Variants in DPP6 observed in about 807,000 individuals in gnomAD.
DPP6 encodes the protein A-type potassium channel modulatory protein DPP6.
In DPP6, 69 loss-of-function variants were observed where a neutral mutation model predicts 122.6. That is an observed-to-expected ratio of 0.56 (90% CI 0.46 to 0.69). DPP6 has a LOEUF of 0.69. Ranked by LOEUF, DPP6 falls within the 30% of genes least tolerant of loss-of-function variation. DPP6 has a pLI of 0.00. For synonymous variants in DPP6, 418 were observed against 433.1 expected, an observed-to-expected ratio of 0.97 and a Z score of 0.43; for missense variants, 928 against 1,116.9, an observed-to-expected ratio of 0.83 and a Z score of 2.41.
the DPP6 span, among the ~76,000 whole-genome samples, chr7:153,808,798 T>A: frequency 6.6e-6 from 1 of 152,200 alleles, no homozygotes; most frequent in East Asian, 1.9e-4. Context: ...ATCAATGGAT[T>A]CTTAAGTTGC....
At chr7:154,436,516 A>G (rs1464119292) in intron 1 of DPP6, among the ~76,000 whole-genome samples, 2 of 152,048 alleles carry the variant, frequency 1.3e-5, no homozygotes, top group Non-Finnish European at 2.9e-5. Context: ...ACCGCGTGCA[A>G]GTGTAGGGAT....
chr7:154,384,800 A>G (rs951226561), intron 1 of DPP6, among the ~76,000 whole-genome samples: 38 of 149,924 alleles, frequency 2.5e-4, no homozygotes, highest in African/African-American at 8.7e-4. Flanking sequence ...CACAATAGCA[A>G]AAGTTTGAAA....
chr7:153,854,106 C>T, the DPP6 span, among the ~76,000 whole-genome samples: 1 of 147,526 alleles, frequency 6.8e-6, no homozygotes, highest in East Asian at 2.0e-4. Flanking sequence ...ATAGGGAATC[C>T]TTTCCCCATT....
intron 3 of DPP6, among the ~76,000 whole-genome samples, chr7:154,491,560 C>T (rs1824281817): frequency 6.6e-6 from 1 of 152,200 alleles, no homozygotes; most frequent in Non-Finnish European, 1.5e-5. Flanking sequence ...ACAATTCGTC[C>T]AGAATCCTTT....
rs115635349 is a variant in DPP6 at position 154,176,740 on chromosome 7, C to T, written c.243+123677C>T. Among the ~76,000 whole-genome samples, 221 of 152,334 alleles carry T rather than the reference C, an allele frequency of 1.5e-3. 1 individual carries two copies. The highest frequency in any genetic ancestry group is 5.1e-3 in the African/African-American group (210 of 41,578). On this transcript the variant is annotated intron_variant, in intron 1 of 25. Coordinates refer to ENST00000377770, the MANE Select transcript of DPP6 (RefSeq NM_130797.4). ...GCCTGCCTTGCCTTATGGCGACCCT[C>T]GGAAGAGTCGAGCAGGCAGCGCGTG... is the stretch of plus-strand genomic sequence containing the variant.
chr7:154,122,329 C>T (rs1425648436), intron 1 of DPP6, among the ~76,000 whole-genome samples: 7 of 152,148 alleles, frequency 4.6e-5, no homozygotes, highest in African/African-American at 7.2e-5. Context: ...ATTTCGTGTA[C>T]TGAGGATCCA....
chr7:154,260,923 TCTCA>T (rs1312786594), intron 1 of DPP6, among the ~76,000 whole-genome samples: 10 of 151,786 alleles, frequency 6.6e-5, no homozygotes, highest in Admixed American at 6.6e-4. Context: ...TTAGATGGAG[TCTCA>T]CTCTGTTGCC....
intron 1 of DPP6, among the ~76,000 whole-genome samples, chr7:154,384,713 C>CTT (rs1813923391): frequency 1.4e-5 from 2 of 145,138 alleles, no homozygotes; most frequent in South Asian, 4.4e-4. Context: ...TGTCTAAGTT[C>CTT]TTTTTTTCTT....
chr7:153,886,677 G>A (rs913665322), upstream of DPP6, among the ~76,000 whole-genome samples: 5 of 152,180 alleles, frequency 3.3e-5, no homozygotes, highest in African/African-American at 1.2e-4. Flanking sequence ...TTGCCGCGGC[G>A]GCGGATGCAG....
the DPP6 span, among the ~76,000 whole-genome samples, chr7:153,843,331 G>A: frequency 2.6e-5 from 4 of 152,108 alleles, no homozygotes; most frequent in African/African-American, 9.7e-5. Context: ...AGCTAACAAA[G>A]AGTTTCTGTA....
rs181632905 is a variant in DPP6 at position 154,495,078 on chromosome 7, G to A, written c.457+20041G>A. 3.7e-3 allele frequency among the ~76,000 whole-genome samples: 561 copies of A among 152,324 alleles called. 9 individuals are homozygous for A. In the South Asian group the frequency reaches 0.051, roughly 14 times the overall value. ...ATGTAGAGGCGTCTGGTATGAGGAG[G>A]GAGCAGGGAATTTCTCTAAATATTG... On this transcript the variant is annotated intron_variant, in intron 3 of 25. Transcript: ENST00000377770.
chr7:153,885,630 T>C (rs1369051566), upstream of DPP6, among the ~76,000 whole-genome samples: 1 of 152,194 alleles, frequency 6.6e-6, no homozygotes, highest in Admixed American at 6.5e-5. Flanking sequence ...CCACGCATTT[T>C]ACACTATTTT....
intron 1 of DPP6, among the ~76,000 whole-genome samples, chr7:154,153,038 T>C (rs1048452215): frequency 2.0e-5 from 3 of 152,252 alleles, no homozygotes; most frequent in Non-Finnish European, 2.9e-5. Context: ...TAAAAATTAA[T>C]GTGATGGCCG....
At chr7:154,289,784 C>T (rs941993215) in intron 1 of DPP6, among the ~76,000 whole-genome samples, 13 of 152,194 alleles carry the variant, frequency 8.5e-5, no homozygotes, top group Admixed American at 2.6e-4. Flanking sequence ...CATTGCCTAA[C>T]ATCCCAACCC....
chr7:154,029,592 A>T (rs1799123795), intron 1 of DPP6, among the ~76,000 whole-genome samples: 1 of 150,722 alleles, frequency 6.6e-6, no homozygotes, highest in Non-Finnish European at 1.5e-5. Flanking sequence ...CACGCCTGTA[A>T]TCCCAGCACT....
chr7:154,281,202 G>A (rs532744341), intron 1 of DPP6, among the ~76,000 whole-genome samples: 18 of 151,962 alleles, frequency 1.2e-4, no homozygotes, highest in African/African-American at 3.4e-4. Context: ...TAGTAGAGAC[G>A]GGGTTTCACT....
At chr7:154,442,212 C>T (rs1819438132) in intron 1 of DPP6, among the ~76,000 whole-genome samples, 1 of 152,174 alleles carries the variant, frequency 6.6e-6, no homozygotes, top group African/African-American at 2.4e-5. Flanking sequence ...GACATTGAGA[C>T]GTTGAACACA....
chr7:153,837,422 A>G, the DPP6 span, among the ~76,000 whole-genome samples: 2 of 152,350 alleles, frequency 1.3e-5, no homozygotes, highest in East Asian at 3.9e-4. Flanking sequence ...ATAGAAGCCC[A>G]GACAGCTTAA....
the DPP6 span, among the ~76,000 whole-genome samples, chr7:153,881,314 A>G: frequency 6.6e-6 from 1 of 152,234 alleles, no homozygotes; most frequent in Non-Finnish European, 1.5e-5. Context: ...TTTAATGGCC[A>G]ACATAGCCCT....
Sources: allele counts gnomAD v4.1 joint callset (sites outside exome capture counted in the v4.1 genomes callset), GRCh38; gene constraint gnomAD v4.1.1; transcripts MANE v1.5; gene names NCBI Gene and HGNC (gene_info 2026-07-23, HGNC 2026-07-21).